Variants in NRG1 observed in about 807,000 individuals in gnomAD.
The protein encoded by NRG1 is pro-neuregulin-1, membrane-bound isoform.
NRG1 carries 18 observed loss-of-function variants against 63.8 expected under a neutral mutation model. That is an observed-to-expected ratio of 0.28 (90% CI 0.19 to 0.42). NRG1 has a LOEUF of 0.42. Among genes scored for constraint, NRG1 ranks in the 10% least tolerant of loss-of-function variants. NRG1 has a pLI of 1.00. For synonymous variants in NRG1, 302 were observed against 301.3 expected (o/e 1.00, Z -0.02); for missense variants, 762 against 814.7 (o/e 0.94, Z 0.79).
In NRG1 at chr8:31,742,455, ATTTT is replaced by A. The variant is rs36040084; in HGVS notation, c.37+103047_37+103050del. On this transcript the variant is annotated intron_variant, in intron 1 of 10. Transcript: ENST00000519301. ...GCAACGACAGACAACTTTTTTAAGA[ATTTT>A]TTTTTTTTTTTTTTTTTTTTTTAAC... is the stretch of plus-strand genomic sequence containing the variant. Among the ~76,000 whole-genome samples the A allele has an allele frequency of 4.4e-3, 349 of 80,036 alleles. 7 individuals are homozygous for A. Among genetic ancestry groups the A allele is most frequent in the South Asian group, 0.01 (25 of 2,444 alleles). The allele number at this position is 80,036 out of a possible 152,430, so 52.5% of individuals were successfully genotyped here.
intron 1 of NRG1, among the ~76,000 whole-genome samples, chr8:31,747,791 T>C (rs1238632668): frequency 1.3e-5 from 2 of 151,960 alleles, no homozygotes; most frequent in Non-Finnish European, 2.9e-5. Context: ...ATATGACTTG[T>C]TTCAAATCCA....
intron 1 of NRG1, among the ~76,000 whole-genome samples, chr8:32,592,319 T>C (rs1267546737): frequency 6.6e-6 from 1 of 152,054 alleles, no homozygotes; most frequent in Non-Finnish European, 1.5e-5. Context: ...TTTATTCAGA[T>C]TTCCCCAGTA....
At chr8:32,138,526 G>A (rs534307527) in intron 1 of NRG1, among the ~76,000 whole-genome samples, 6 of 151,942 alleles carry the variant, frequency 3.9e-5, no homozygotes, top group African/African-American at 9.6e-5. Context: ...CAGAGCACAC[G>A]CAAGCTCCTA....
intron 1 of NRG1, among the ~76,000 whole-genome samples, chr8:32,499,226 TG>T (rs1016285234): frequency 6.6e-6 from 1 of 151,948 alleles, no homozygotes; most frequent in Non-Finnish European, 1.5e-5. Flanking sequence ...CAGGTGGGAG[TG>T]GGGCACCCCT....
intron 1 of NRG1, among the ~76,000 whole-genome samples, chr8:32,336,195 A>C (rs955720556): frequency 9.2e-5 from 14 of 152,246 alleles, no homozygotes; most frequent in African/African-American, 3.4e-4. Flanking sequence ...TATTTAGTTC[A>C]AGATAACATA....
intron 1 of NRG1, among the ~76,000 whole-genome samples, chr8:32,177,951 T>C (rs959431627): frequency 3.6e-4 from 54 of 152,092 alleles, no homozygotes; most frequent in African/African-American, 1.3e-3. Flanking sequence ...GCTCTACCTG[T>C]GTTACTCATT....
At chr8:32,741,334 C>T in intron 6 of NRG1, among the ~76,000 whole-genome samples, 1 of 152,048 alleles carries the variant, frequency 6.6e-6, no homozygotes, top group Admixed American at 6.6e-5. Context: ...AATAACTGAT[C>T]TAAATTTTAA....
intron 1 of NRG1, among the ~76,000 whole-genome samples, chr8:32,489,072 A>G (rs1025795094): frequency 6.6e-6 from 1 of 152,226 alleles, no homozygotes; most frequent in African/African-American, 2.4e-5. Flanking sequence ...GAGGTCAAGC[A>G]CAGGGATTTG....
chr8:32,457,987 G>A (rs1392837613), intron 1 of NRG1, among the ~76,000 whole-genome samples: 2 of 151,678 alleles, frequency 1.3e-5, no homozygotes, highest in African/African-American at 2.4e-5. Context: ...GTGCGATCTC[G>A]GCTCCCTGCA....
chr8:32,706,148 A>G lies in NRG1; in HGVS notation c.503-21801A>G, dbSNP rs147481458. Among the ~76,000 whole-genome samples, 290 of 152,324 alleles carry G rather than the reference A, an allele frequency of 1.9e-3. 1 individual carries two copies. Among genetic ancestry groups the G allele is most frequent in the African/African-American group, 6.6e-3 (276 of 41,584 alleles). ...CCTATAGCAGTTTCACAAAAACTAA[A>G]TCTTTGTCTCTAATGGATCTGAGCT... On this transcript the variant is annotated intron_variant, in intron 5 of 11. Coordinates refer to ENST00000356819, the Ensembl canonical transcript of NRG1.
At chr8:31,960,966 G>A (rs562161982) in intron 1 of NRG1, among the ~76,000 whole-genome samples, 2 of 152,286 alleles carry the variant, frequency 1.3e-5, no homozygotes, top group East Asian at 1.9e-4. Flanking sequence ...TTTAGTAGGT[G>A]TCTAATGATA....
chr8:32,430,787 G>GTTTTTTTTTTT (rs35752428), intron 1 of NRG1, among the ~76,000 whole-genome samples: 3 of 134,150 alleles, frequency 2.2e-5, no homozygotes, highest in Non-Finnish European at 4.9e-5. Context: ...AATGGTTTGG[G>GTTTTTTTTTTT]TTTTTTTTTT....
chr8:31,918,371 G>A (rs1216636693), intron 1 of NRG1, among the ~76,000 whole-genome samples: 6 of 152,116 alleles, frequency 3.9e-5, no homozygotes, highest in Non-Finnish European at 2.9e-5. Context: ...TTTGAAATAT[G>A]TCCCATCGAT....
chr8:32,429,073 A>G (rs1309375079), intron 1 of NRG1, among the ~76,000 whole-genome samples: 1 of 152,206 alleles, frequency 6.6e-6, no homozygotes. Context: ...TATGCAAGCC[A>G]ACATAGTCAC....
intron 1 of NRG1, among the ~76,000 whole-genome samples, chr8:32,413,137 C>A (rs1815350359): frequency 6.6e-6 from 1 of 152,120 alleles, no homozygotes; most frequent in Non-Finnish European, 1.5e-5. Context: ...TAAGAATTTA[C>A]CCTAAGTAAT....
chr8:32,244,305 A>C (rs1046463129), intron 1 of NRG1, among the ~76,000 whole-genome samples: 1 of 152,176 alleles, frequency 6.6e-6, no homozygotes, highest in African/African-American at 2.4e-5. Flanking sequence ...TGGTCTTTGC[A>C]TATTTATATT....
chr8:31,822,480 G>A (rs1824100300), intron 1 of NRG1, among the ~76,000 whole-genome samples: 2 of 152,126 alleles, frequency 1.3e-5, no homozygotes, highest in Non-Finnish European at 2.9e-5. Context: ...GAGGCAAACG[G>A]CCAAACCTGA....
At chr8:32,303,146 A>C (rs1855774902) in intron 1 of NRG1, among the ~76,000 whole-genome samples, 1 of 134,058 alleles carries the variant, frequency 7.5e-6, no homozygotes, top group Non-Finnish European at 1.5e-5. Context: ...GCACCATTGC[A>C]CTCCAGCTTG....
rs115630219 is a variant in NRG1, at chr8:32,383,536, G to A, written c.38-212292G>A. On this transcript the variant is annotated intron_variant, in intron 1 of 10. Transcript: ENST00000519301. The stretch of plus-strand genomic sequence containing the variant: ...ACACCCTGAAATTTAGCATCTAGAA[G>A]TATCTAAATGAAGACAGACATATAA... 1.2e-3 allele frequency among the ~76,000 whole-genome samples: 180 copies of A among 152,252 alleles called. 1 individual carries two copies. Among genetic ancestry groups the A allele is most frequent in the African/African-American group, 4.2e-3 (175 of 41,554 alleles).
Sources: allele counts gnomAD v4.1 joint callset (sites outside exome capture counted in the v4.1 genomes callset), GRCh38; gene constraint gnomAD v4.1.1; transcripts MANE v1.5; gene names NCBI Gene and HGNC (gene_info 2026-07-23, HGNC 2026-07-21).